CSNK1G2: variants seen among roughly 807,000 people sequenced by gnomAD.
CSNK1G2 encodes casein kinase 1 gamma 2.
In CSNK1G2, 11 loss-of-function variants were observed where a neutral mutation model predicts 48.0. That is an observed-to-expected ratio of 0.23 (90% CI 0.14 to 0.38). The LOEUF (loss-of-function observed/expected upper bound fraction) is 0.38, where lower values mean the gene tolerates loss of function less well. Among genes scored for constraint, CSNK1G2 ranks in the 10% least tolerant of loss-of-function variants. The pLI is 1.00. For synonymous variants in CSNK1G2, 337 were observed against 254.1 expected, an observed-to-expected ratio of 1.33 and a Z score of -3.10; for missense variants, 446 against 595.5, an observed-to-expected ratio of 0.75 and a Z score of 2.61.
chr19:1,952,281 T>C (rs11084921), intron 1 of CSNK1G2, among the ~76,000 whole-genome samples: 66,997 of 151,602 alleles, frequency 0.44, 17,945 homozygotes, highest in Non-Finnish European at 0.6. Context: ...TGAGCACTGA[T>C]GATGCCCGAG....
At chr19:1,958,324 C>T (rs1015767597) in intron 1 of CSNK1G2, among the ~76,000 whole-genome samples, 2 of 151,954 alleles carry the variant, frequency 1.3e-5, no homozygotes, top group African/African-American at 2.4e-5. Flanking sequence ...AACAGGAGCC[C>T]GGCAGGGCCG....
chr19:1,945,797 G>A (rs1402012683), intron 1 of CSNK1G2, among the ~76,000 whole-genome samples: 1 of 149,480 alleles, frequency 6.7e-6, no homozygotes, highest in East Asian at 2.0e-4. Flanking sequence ...ACTCCAGCCT[G>A]GGCAACAGAG....
At chr19:1,966,088 C>T (rs4806823) in intron 1 of CSNK1G2, among the ~76,000 whole-genome samples, 32,669 of 152,226 alleles carry the variant, frequency 0.21, 5,865 homozygotes, top group African/African-American at 0.49. Flanking sequence ...CAGGAGCCAC[C>T]GCAGCCGCCC....
intron 1 of CSNK1G2, chr19:1,953,889 G>A (rs538706376): frequency 2.6e-5 from 14 of 534,106 alleles, no homozygotes; most frequent in South Asian, 5.6e-5. Flanking sequence ...GCTCAGCTGC[G>A]TTCTCAGAGG....
At position 1,978,845 on chromosome 19, in the gene CSNK1G2, G is replaced by A. The variant is rs1307049147; in HGVS notation, c.448-14G>A. On this transcript the variant is annotated splice_polypyrimidine_tract_variant and intron_variant, in intron 5 of 11. Transcript: ENST00000255641. The surrounding 1 kb of genome is among the most constrained non-coding windows in gnomAD (Gnocchi z 7.3). ...GGGGAGGGGCCCGGCCGACACCGCC[G>A]TGCCCCCCTGCAGATCACGCGCATG... 5 of 1,596,902 alleles carry A rather than the reference G, an allele frequency of 3.1e-6. No individual in the cohort carries two copies. The highest frequency in any genetic ancestry group is 2.2e-5 in the East Asian group (1 of 44,664).
At chr19:1,944,281 A>G (rs1568177546) in intron 1 of CSNK1G2, among the ~76,000 whole-genome samples, 1 of 151,932 alleles carries the variant, frequency 6.6e-6, no homozygotes, top group Non-Finnish European at 1.5e-5. Context: ...CCTCTGTGCA[A>G]GGCCGTCTGA....
At chr19:1,941,927 C>T (rs1416884415) in intron 1 of CSNK1G2, among the ~76,000 whole-genome samples, 1 of 152,022 alleles carries the variant, frequency 6.6e-6, no homozygotes, top group Non-Finnish European at 1.5e-5. Context: ...CACGCCTCCC[C>T]GCGTTCTGGT....
chr19:1,978,532 G>A lies in CSNK1G2; in HGVS notation c.298+21G>A. The A allele has an allele frequency of 6.4e-7, 1 of 1,569,902 alleles. No individual in the cohort carries two copies. Among genetic ancestry groups the A allele is most frequent in the South Asian group, 1.2e-5 (1 of 86,604 alleles). On this transcript the variant is annotated intron_variant, in intron 4 of 11. Coordinates refer to ENST00000255641, the MANE Select transcript of CSNK1G2 (RefSeq NM_001319.7). This position sits in a 1 kb window ranked among gnomAD's most constrained non-coding sequence, Gnocchi z 7.3. ...CACAGGTACCGGGCGGCCCGCGGGT[G>A]GGGCGGGGGCTGCGCAGGGGCAGGG... is the stretch of plus-strand genomic sequence containing the variant.
intron 2 of CSNK1G2, chr19:1,975,722 G>C (rs562675092): frequency 1.0e-6 from 1 of 983,438 alleles, no homozygotes; most frequent in African/African-American, 1.7e-5. Flanking sequence ...CAAACCTGGG[G>C]CAGTGTCCTG....
intron 1 of CSNK1G2, chr19:1,952,981 C>T (rs769534920): frequency 6.9e-6 from 3 of 437,288 alleles, no homozygotes; most frequent in South Asian, 1.7e-5. Context: ...GGAAAAGGCA[C>T]TCCAGTCTGG....
In CSNK1G2 at chr19:1,978,851, C is replaced by A; in HGVS notation, c.448-8C>A. ...GGGCCCGGCCGACACCGCCGTGCCC[C>A]CCTGCAGATCACGCGCATGGAGTAT... On this transcript the variant is annotated splice_polypyrimidine_tract_variant and splice_region_variant and intron_variant, in intron 5 of 11. Coordinates refer to ENST00000255641, the MANE Select transcript of CSNK1G2 (RefSeq NM_001319.7). The surrounding 1 kb of genome is among the most constrained non-coding windows in gnomAD (Gnocchi z 7.3). 6.3e-7 allele frequency: 1 copy of A among 1,599,586 alleles called. No individual in the cohort carries two copies. The highest frequency in any genetic ancestry group is 8.5e-7 in the Non-Finnish European group (1 of 1,176,570).
intron 1 of CSNK1G2, among the ~76,000 whole-genome samples, chr19:1,946,937 G>A (rs1392555749): frequency 1.3e-5 from 2 of 151,970 alleles, no homozygotes; most frequent in African/African-American, 4.8e-5. Context: ...TAGAGACAGA[G>A]TCTCGCTCTG....
At chr19:1,948,571 C>T (rs1264939960) in intron 1 of CSNK1G2, among the ~76,000 whole-genome samples, 1 of 148,594 alleles carries the variant, frequency 6.7e-6, no homozygotes, top group Admixed American at 6.7e-5. Context: ...GTCACACTGA[C>T]CCAGCTCACT....
chr19:1,946,141 A>T (rs978663741), intron 1 of CSNK1G2, among the ~76,000 whole-genome samples: 2 of 151,618 alleles, frequency 1.3e-5, no homozygotes, highest in Admixed American at 6.6e-5. Flanking sequence ...CTGCAGGGGG[A>T]GCTAGCTGCC....
rs982164535 is a variant in CSNK1G2 at position 1,957,005 on chromosome 19, T to A, written c.-265-12503T>A. Among the ~76,000 whole-genome samples, 3 of 151,966 alleles carry A rather than the reference T, an allele frequency of 2.0e-5. No individual in the cohort carries two copies. Among genetic ancestry groups the A allele is most frequent in the Admixed American group, 6.6e-5 (1 of 15,254 alleles). On this transcript the variant is annotated intron_variant, in intron 1 of 11. Coordinates refer to ENST00000255641, the MANE Select transcript of CSNK1G2 (RefSeq NM_001319.7). The surrounding 1 kb of genome is among the most constrained non-coding windows in gnomAD (Gnocchi z 5.4). Reference sequence around the variant, plus strand: ...GAGAGAAGGAGGGAGGAGGAGGGGATTCTGCAGAGGGAAGGCTGGTGGTGG... The same window carrying A: ...GAGAGAAGGAGGGAGGAGGAGGGGAATCTGCAGAGGGAAGGCTGGTGGTGG...
intron 1 of CSNK1G2, among the ~76,000 whole-genome samples, chr19:1,967,420 A>G (rs2015398076): frequency 6.6e-6 from 1 of 152,060 alleles, no homozygotes; most frequent in Non-Finnish European, 1.5e-5. Flanking sequence ...CCCCTTCTTC[A>G]GTGAGGGTGG....
intron 1 of CSNK1G2, among the ~76,000 whole-genome samples, chr19:1,948,656 G>A (rs1384827056): frequency 6.6e-6 from 1 of 151,884 alleles, no homozygotes; most frequent in South Asian, 2.1e-4. Context: ...CATAATCCAC[G>A]TTTGGTAAAA....
intron 2 of CSNK1G2, among the ~76,000 whole-genome samples, chr19:1,973,423 T>C (rs1025685932): frequency 6.6e-6 from 1 of 151,920 alleles, no homozygotes; most frequent in Non-Finnish European, 1.5e-5. Flanking sequence ...GGTTTTGCCA[T>C]GTTGGCAAAC....
At chr19:1,947,612 G>A (rs533851221) in intron 1 of CSNK1G2, among the ~76,000 whole-genome samples, 3 of 152,334 alleles carry the variant, frequency 2.0e-5, no homozygotes, top group Admixed American at 6.5e-5. Flanking sequence ...TGCTGGGTGT[G>A]CCTTTGAGTT....
Sources: allele counts gnomAD v4.1 joint callset (sites outside exome capture counted in the v4.1 genomes callset), GRCh38; gene constraint gnomAD v4.1.1; non-coding constraint Gnocchi (gnomAD v3.1); transcripts MANE v1.5; gene names NCBI Gene and HGNC (gene_info 2026-07-23, HGNC 2026-07-21).